CLK2: variants seen among roughly 807,000 people sequenced by gnomAD.
The protein encoded by CLK2 is dual specificity protein kinase CLK2.
In CLK2, 12 loss-of-function variants were observed where a neutral mutation model predicts 73.5. The observed-to-expected ratio is 0.16, with a 90% confidence interval of 0.10 to 0.26. The LOEUF (loss-of-function observed/expected upper bound fraction) is 0.26, where lower values mean the gene tolerates loss of function less well. Ranked by LOEUF, CLK2 falls within the 10% of genes least tolerant of loss-of-function variation. The pLI is 1.00. For synonymous variants in CLK2, 232 were observed against 237.9 expected (o/e 0.98, Z 0.23); for missense variants, 509 against 688.4 (o/e 0.74, Z 2.92).
Position 155,270,869 on chromosome 1 carries a change from T to A in CLK2, c.109A>T (p.Ser37Cys). 8.1e-6 allele frequency: 13 copies of A among 1,614,214 alleles called. No homozygotes were observed. Among genetic ancestry groups the A allele is most frequent in the Non-Finnish European group, 1.1e-5 (13 of 1,180,028 alleles). The change falls in exon 2 of 13, where the codon AGT (serine) becomes TGT (cysteine). Residue 37 changes from serine (S) to cysteine (C), a missense_variant. By Grantham distance (112) the Ser-to-Cys change is moderately radical. This residue lies in a region of CLK2 where 222 missense variants were observed against 221.7 expected (regional missense o/e 1.00). Transcript: ENST00000368361. ...CGCCGTCGTGTCCGGTCACTACTAC[T>A]TGACCAGGAGCGACTTCTTCGTCGC... The part of the protein sequence containing the change: ...HKRRRSRSWS[S>C]SSDRTRRRRR...
Position 155,268,535 on chromosome 1 carries a change from G to C in CLK2, c.487+173C>G. On this transcript the variant is annotated intron_variant, in intron 4 of 12. Transcript: ENST00000368361. The surrounding 1 kb of genome is among the most constrained non-coding windows in gnomAD (Gnocchi z 5.6). ...GATTCCCACCACCTTTAACCCAGGG[G>C]CCGTGAGAGCTGGGAGTGGACAACA... 1 of 774,142 alleles carries C rather than the reference G, an allele frequency of 1.3e-6. No homozygotes were observed. Among genetic ancestry groups the C allele is most frequent in the Non-Finnish European group, 2.2e-6 (1 of 452,144 alleles). The allele number at this position is 774,142 out of a possible 1,614,324, so 48.0% of individuals were successfully genotyped here.
At position 155,262,946 on chromosome 1, in the gene CLK2, C is replaced by G; in HGVS notation, c.*272G>C. ...TTATAAAACATGGGGTAGATGCCAC[C>G]TGGTTACCTCACTCGGCCCCCATCC... On this transcript the variant is annotated 3_prime_UTR_variant, in exon 13 of 13. Coordinates refer to ENST00000368361, the MANE Select transcript of CLK2 (RefSeq NM_001294338.2). 1 of 387,582 alleles carries G rather than the reference C, an allele frequency of 2.6e-6. No homozygotes were observed. The highest frequency in any genetic ancestry group is 3.9e-5 in the East Asian group (1 of 25,840). The allele number at this position is 387,582 out of a possible 1,614,324, so 24.0% of individuals were successfully genotyped here.
Position 155,269,692 on chromosome 1 carries a change from G to A in CLK2, c.195C>T (p.Asp65=). 6.2e-7 allele frequency: 1 copy of A among 1,614,198 alleles called. No homozygotes were observed. Among genetic ancestry groups the A allele is most frequent in the Non-Finnish European group, 8.5e-7 (1 of 1,180,036 alleles). ...SRSSYDDRSS[D]RRVYDRRYCG... The stretch of plus-strand genomic sequence containing the variant: ...AGTATCGCCGGTCATACACCCTCCG[G>A]TCGGACGAACGATCATCATAACTGC... The change falls in exon 3 of 13, where the codon GAC becomes GAT. Residue 65 remains aspartate, a synonymous_variant. Transcript: ENST00000368361.
chr1:155,268,480 G>A lies in CLK2; in HGVS notation c.488-121C>T. On this transcript the variant is annotated intron_variant, in intron 4 of 12. Coordinates refer to ENST00000368361, the MANE Select transcript of CLK2 (RefSeq NM_001294338.2). This position sits in a 1 kb window ranked among gnomAD's most constrained non-coding sequence, Gnocchi z 5.6. ...AGATGAAGGAAGGGGAACAGATACA[G>A]ATGGTCACAGGGGAAGAAAACCCCT... 2.4e-6 allele frequency: 2 copies of A among 847,186 alleles called. No individual in the cohort carries two copies. The highest frequency in any genetic ancestry group is 3.9e-6 in the Non-Finnish European group (2 of 506,442). The allele number at this position is 847,186 out of a possible 1,614,324, so 52.5% of individuals were successfully genotyped here. A position where few individuals can be genotyped will look rare whatever the true frequency, so the allele number is the denominator to read the frequency against.
rs746239847 is a variant in CLK2 at position 155,270,933 on chromosome 1, C to G, written c.45G>C (p.Arg15=). Residue 15 remains arginine (R), a synonymous_variant, in exon 2 of 13, where the codon CGG becomes CGC. Coordinates refer to ENST00000368361, the MANE Select transcript of CLK2 (RefSeq NM_001294338.2). ...RRYHSSERGS[R]GSYREHYRSR... is the part of the protein sequence containing the mutation. The stretch of plus-strand genomic sequence containing the variant: ...TCCGATAGTGTTCACGGTAACTCCC[C>G]CGGCTGCCTCGCTCTGAGGAGTGGT... The G allele has an allele frequency of 6.2e-7, 1 of 1,614,142 alleles. No homozygotes were observed. Among genetic ancestry groups the G allele is most frequent in the Non-Finnish European group, 8.5e-7 (1 of 1,180,006 alleles).
rs1383067521 is a variant in CLK2, at chr1:155,263,233, C to A, written c.1485G>T (p.Arg495=). 6.2e-7 allele frequency: 1 copy of A among 1,613,528 alleles called. No individual in the cohort carries two copies. The highest frequency in any genetic ancestry group is 8.5e-7 in the Non-Finnish European group (1 of 1,179,856). Residue 495 remains arginine, a synonymous_variant, in exon 13 of 13, where the codon CGG becomes CGT. Transcript: ENST00000368361. The stretch of plus-strand genomic sequence containing the variant: ...GGCCTGATCGTCACCGACTGATATC[C>A]CGACTGGAGTCCCACAACTTGTTGG... ...EPPNKLWDSS[R]DISR is the part of the protein sequence containing the mutation.
Position 155,263,223 on chromosome 1 carries a change from G to A in CLK2, c.1495C>T (p.Arg499Trp), listed in dbSNP as rs1370710829. Residue 499 changes from arginine to tryptophan, a missense_variant, in exon 13 of 13, where the codon CGG (arginine) becomes TGG (tryptophan). By Grantham distance (101) the Arg-to-Trp change is moderately radical (BLOSUM62 -3). Transcript: ENST00000368361. ...GGGGGCCCAGGGCCTGATCGTCACC[G>A]ACTGATATCCCGACTGGAGTCCCAC... is the stretch of plus-strand genomic sequence containing the variant. ...KLWDSSRDIS[R>W] is the part of the protein sequence containing the mutation. 1 of 1,612,970 alleles carries A rather than the reference G, an allele frequency of 6.2e-7. No homozygotes were observed. The highest frequency in any genetic ancestry group is 8.5e-7 in the Non-Finnish European group (1 of 1,179,670).
Position 155,266,776 on chromosome 1 carries a change from A to T in CLK2, c.791T>A (p.Ile264Asn). 6.2e-7 allele frequency: 1 copy of T among 1,613,376 alleles called. No individual in the cohort carries two copies. Among genetic ancestry groups the T allele is most frequent in the Non-Finnish European group, 8.5e-7 (1 of 1,179,722 alleles). ...GAAGGCCATGTGGCGCACTTGGTGGATGGGGTAGGGCAGGTAGTTGTTGTC... is the reference window on the plus strand; with the variant it reads ...GAAGGCCATGTGGCGCACTTGGTGGTTGGGGTAGGGCAGGTAGTTGTTGTC... ...LKDNNYLPYP[I>N]HQVRHMAFQL... is the part of the protein sequence containing the mutation. Residue 264 changes from isoleucine (I) to asparagine (N), a missense_variant, in exon 7 of 13, where the codon ATC (isoleucine) becomes AAC (asparagine). Physicochemically the swap from Ile to Asn is moderately radical, Grantham distance 149. Coordinates refer to ENST00000368361, the MANE Select transcript of CLK2 (RefSeq NM_001294338.2).
Position 155,268,288 on chromosome 1 carries a change from GT to G in CLK2, c.554+4del. On this transcript the variant is annotated splice_donor_region_variant and intron_variant, in intron 5 of 12. Transcript: ENST00000368361. This position sits in a 1 kb window ranked among gnomAD's most constrained non-coding sequence, Gnocchi z 5.6. The stretch of plus-strand genomic sequence containing the variant: ...CCCACATAGTAGGGAGGGACTGACA[GT>G]TACCTGCGATGGTCAACACATTGTA... 1.2e-6 allele frequency: 2 copies of G among 1,613,848 alleles called. No homozygotes were observed. The highest frequency in any genetic ancestry group is 1.7e-6 in the Non-Finnish European group (2 of 1,179,714).
At position 155,270,918 on chromosome 1, in the gene CLK2, T is replaced by C. The variant is rs1306373681; in HGVS notation, c.60A>G (p.Glu20=). The change falls in exon 2 of 13, where the codon GAA becomes GAG. Residue 20 remains glutamate, a synonymous_variant. Transcript: ENST00000368361. ...SERGSRGSYR[E]HYRSRKHKRR... is the part of the protein sequence containing the mutation. ...GCTTATGCTTTCGGCTCCGATAGTG[T>C]TCACGGTAACTCCCCCGGCTGCCTC... 6.2e-7 allele frequency: 1 copy of C among 1,614,168 alleles called. No individual in the cohort carries two copies. Among genetic ancestry groups the C allele is most frequent in the East Asian group, 2.2e-5 (1 of 44,888 alleles).
intron 1 of CLK2, among the ~76,000 whole-genome samples, chr1:155,272,008 TTTC>T (rs908716158): frequency 4.2e-5 from 6 of 143,680 alleles, no homozygotes; most frequent in Admixed American, 2.9e-4. Flanking sequence ...ATAACAACTG[TTTC>T]TTGTGTTTTT....
At chr1:155,266,011 C>T (rs1673214540) in intron 7 of CLK2, 57 bp from the exon 8 acceptor site, 3 of 1,175,490 alleles carry the variant, frequency 2.6e-6, no homozygotes, top group African/African-American at 3.0e-5. Flanking sequence ...TAACTGGTAT[C>T]AGCTGACCCC....
intron 10 of CLK2, 78 bp downstream of exon 10, chr1:155,264,390 T>C: frequency 6.3e-7 from 1 of 1,595,140 alleles, no homozygotes; most frequent in Non-Finnish European, 8.6e-7. Context: ...GAGAACTGAG[T>C]AGGCAGGTCC....
chr1:155,271,468 C>T (rs1673503990), intron 1 of CLK2, among the ~76,000 whole-genome samples: 1 of 152,216 alleles, frequency 6.6e-6, no homozygotes, highest in Non-Finnish European at 1.5e-5. Context: ...TCGTGATCCT[C>T]CTGCCTCGGC....
At chr1:155,265,766 C>T (rs192046581) in intron 8 of CLK2, 94 bp downstream of exon 8, 24 of 855,476 alleles carry the variant, frequency 2.8e-5, no homozygotes, top group South Asian at 1.9e-4. Flanking sequence ...TGTGGGAGGA[C>T]GAAATAAAAG....
rs1673338605 is a variant in CLK2 at position 155,268,561 on chromosome 1, G to C, written c.487+147C>G. 2.4e-6 allele frequency: 2 copies of C among 837,542 alleles called. No individual in the cohort carries two copies. The highest frequency in any genetic ancestry group is 4.9e-5 in the East Asian group (2 of 40,852). The allele number at this position is 837,542 out of a possible 1,614,324, so 51.9% of individuals were successfully genotyped here. On this transcript the variant is annotated intron_variant, in intron 4 of 12. Coordinates refer to ENST00000368361, the MANE Select transcript of CLK2 (RefSeq NM_001294338.2). This position sits in a 1 kb window ranked among gnomAD's most constrained non-coding sequence, Gnocchi z 5.6. Reference sequence around the variant, plus strand: ...CCGTGAGAGCTGGGAGTGGACAACAGAGGTCAATTCTCAACAGCAACTCAA... The same window carrying C: ...CCGTGAGAGCTGGGAGTGGACAACACAGGTCAATTCTCAACAGCAACTCAA...
At position 155,268,234 on chromosome 1, in the gene CLK2, C is replaced by T; in HGVS notation, c.554+59G>A. ...TACCTCAGGTTAATTAGCAAAAAAGCCCCATATAACCCCAACCATCTCTTT... is the reference window on the plus strand; with the variant it reads ...TACCTCAGGTTAATTAGCAAAAAAGTCCCATATAACCCCAACCATCTCTTT... On this transcript the variant is annotated intron_variant, in intron 5 of 12. Transcript: ENST00000368361. The surrounding 1 kb of genome is among the most constrained non-coding windows in gnomAD (Gnocchi z 5.6). The T allele has an allele frequency of 1.3e-6, 2 of 1,565,972 alleles. No individual in the cohort carries two copies. The highest frequency in any genetic ancestry group is 1.7e-5 in the Admixed American group (1 of 59,842).
intron 8 of CLK2, among the ~76,000 whole-genome samples, chr1:155,265,343 G>C (rs1673177843): frequency 6.6e-6 from 1 of 152,108 alleles, no homozygotes; most frequent in Admixed American, 6.5e-5. Flanking sequence ...GAGACAGGCA[G>C]ATCACCTGAG....
intron 2 of CLK2, among the ~76,000 whole-genome samples, chr1:155,270,498 C>T (rs1385251685): frequency 6.6e-6 from 1 of 152,186 alleles, no homozygotes. Flanking sequence ...TCCCTCTGCC[C>T]AAAGACACTT....
Sources: allele counts gnomAD v4.1 joint callset (sites outside exome capture counted in the v4.1 genomes callset), GRCh38; gene constraint gnomAD v4.1.1; regional missense constraint gnomAD v4.1.1; non-coding constraint Gnocchi (gnomAD v3.1); transcripts MANE v1.5; gene names NCBI Gene and HGNC (gene_info 2026-07-23, HGNC 2026-07-21).